Variants in CALN1 observed in about 807,000 individuals in gnomAD.
The protein encoded by CALN1 is calneuron 1.
CALN1 carries 17 observed loss-of-function variants against 30.6 expected under a neutral mutation model. The ratio of observed to expected loss-of-function variants is 0.56; its 90% CI spans 0.38 to 0.83. CALN1 has a LOEUF of 0.83. Among genes scored for constraint, CALN1 ranks in the 40% least tolerant of loss-of-function variants. The pLI, the probability that CALN1 is intolerant of heterozygous loss-of-function variation, is 0.00. For missense variants in CALN1, 291 were observed against 354.9 expected, an observed-to-expected ratio of 0.82 and a Z score of 1.45; for synonymous variants, 156 against 131.4, an observed-to-expected ratio of 1.19 and a Z score of -1.28.
intron 4 of CALN1, among the ~76,000 whole-genome samples, chr7:72,032,234 A>AT (rs1422564854): frequency 1.3e-5 from 2 of 149,884 alleles, no homozygotes; most frequent in African/African-American, 4.9e-5. Flanking sequence ...AATTTTTTGT[A>AT]TTTTTAGCAG....
the CALN1 span, among the ~76,000 whole-genome samples, chr7:72,472,081 C>A: frequency 2.0e-5 from 3 of 152,126 alleles, no homozygotes; most frequent in Admixed American, 6.5e-5. Context: ...TAGATGTGAG[C>A]CACTGCGCCC....
At chr7:72,301,429 G>A (rs1294407756) in intron 2 of CALN1, among the ~76,000 whole-genome samples, 1 of 151,938 alleles carries the variant, frequency 6.6e-6, no homozygotes, top group African/African-American at 2.4e-5. Context: ...CCAACATGGT[G>A]AAACCCTGTC....
At chr7:71,928,238 C>T (rs1795367979) in intron 5 of CALN1, among the ~76,000 whole-genome samples, 1 of 152,158 alleles carries the variant, frequency 6.6e-6, no homozygotes, top group Non-Finnish European at 1.5e-5. Context: ...CAAGTCCACC[C>T]CACGACTTCA....
At chr7:71,848,890 A>G (rs1790475988) in intron 5 of CALN1, among the ~76,000 whole-genome samples, 2 of 152,124 alleles carry the variant, frequency 1.3e-5, no homozygotes, top group South Asian at 4.1e-4. Context: ...TTTACTTTTT[A>G]AATTTTTACT....
At chr7:72,451,209 A>AAGAAGAAGGAGGAGGAGG (rs747175718), upstream of CALN1, among the ~76,000 whole-genome samples, 7 of 126,118 alleles carry the variant, frequency 5.6e-5, no homozygotes, top group African/African-American at 2.2e-4. Flanking sequence ...GAAGAAGAAG[A>AAGAAGAAGGAGGAGGAGG]AGGAGGAGGA....
At chr7:72,044,055 C>T (rs533673487) in intron 4 of CALN1, among the ~76,000 whole-genome samples, 139 of 151,388 alleles carry the variant, frequency 9.2e-4, no homozygotes, top group Non-Finnish European at 1.7e-3. Context: ...GATTCAATTA[C>T]CTCCCACCGG....
chr7:72,196,139 G>T (rs1372286304), intron 3 of CALN1, among the ~76,000 whole-genome samples: 1 of 151,740 alleles, frequency 6.6e-6, no homozygotes, highest in Non-Finnish European at 1.5e-5. Context: ...TTTAGACAGG[G>T]TCTCGCTTTG....
chr7:72,313,655 C>T (rs562893623), intron 2 of CALN1, among the ~76,000 whole-genome samples: 21 of 152,234 alleles, frequency 1.4e-4, no homozygotes, highest in African/African-American at 5.1e-4. Flanking sequence ...CCTTGGCCTC[C>T]TAAAGTGCTG....
At chr7:72,224,247 G>A (rs1432251413) in intron 3 of CALN1, among the ~76,000 whole-genome samples, 1 of 152,036 alleles carries the variant, frequency 6.6e-6, no homozygotes, top group African/African-American at 2.4e-5. Context: ...TGGAAGAAAT[G>A]ACTTTTTCAT....
At chr7:71,959,793 G>A (rs1797145654) in intron 5 of CALN1, among the ~76,000 whole-genome samples, 1 of 151,888 alleles carries the variant, frequency 6.6e-6, no homozygotes. Flanking sequence ...TTCAATTCCT[G>A]GGCAAACCAA....
intron 5 of CALN1, among the ~76,000 whole-genome samples, chr7:71,846,779 T>C (rs1167770694): frequency 6.8e-6 from 1 of 147,374 alleles, no homozygotes; most frequent in African/African-American, 2.5e-5. Context: ...TATATAAATA[T>C]ATATACGTGT....
chr7:72,210,871 T>C (rs914087758), intron 3 of CALN1, among the ~76,000 whole-genome samples: 1 of 151,636 alleles, frequency 6.6e-6, no homozygotes, highest in Admixed American at 6.6e-5. Context: ...GGAAAGATGA[T>C]GAGCCCCGGT....
At chr7:71,965,981 G>T (rs192984612) in intron 5 of CALN1, among the ~76,000 whole-genome samples, 540 of 152,216 alleles carry the variant, frequency 3.5e-3, no homozygotes, top group Admixed American at 8.2e-3. Flanking sequence ...CCACACTTCT[G>T]CCCTCCAAGT....
intron 5 of CALN1, among the ~76,000 whole-genome samples, chr7:71,994,969 C>T (rs527652710): frequency 6.6e-6 from 1 of 151,988 alleles, no homozygotes; most frequent in East Asian, 1.9e-4. Flanking sequence ...TCTCCTGCCT[C>T]AGCCTCCTGA....
intron 3 of CALN1, among the ~76,000 whole-genome samples, chr7:72,209,042 C>CTCTT (rs71069036): frequency 0.99 from 140,031 of 141,594 alleles, 69,251 homozygotes; most frequent in South Asian, 1. Flanking sequence ...CCTTCTCTCT[C>CTCTT]TCCTTTTTCT....
chr7:72,065,877 G>C (rs189381748), intron 4 of CALN1, among the ~76,000 whole-genome samples: 7 of 152,076 alleles, frequency 4.6e-5, no homozygotes, highest in Admixed American at 4.6e-4. Context: ...TGGGCAACAA[G>C]AGCAAAACTC....
At chr7:71,993,710 G>C (rs150912046) in intron 5 of CALN1, among the ~76,000 whole-genome samples, 3 of 152,034 alleles carry the variant, frequency 2.0e-5, no homozygotes, top group Non-Finnish European at 2.9e-5. Context: ...ACCTGCCTTC[G>C]CCTCCCAAAG....
rs558773275 is a variant in CALN1, at chr7:71,962,780, G to A, written c.501+60877C>T. Among the ~76,000 whole-genome samples the A allele has an allele frequency of 3.9e-5, 6 of 152,224 alleles. No individual in the cohort carries two copies. The South Asian group carries it at 6.2e-4, about 16-fold the overall frequency. ...TCTACAGTATGTCACAGCAAATGTG[G>A]GTCTTTTTTCCTTCTAGTGCCTGAT... On this transcript the variant is annotated intron_variant, in intron 5 of 6. Coordinates refer to ENST00000395275, the MANE Select transcript of CALN1 (RefSeq NM_031468.4).
chr7:72,022,330 T>A (rs1445698939), intron 5 of CALN1, among the ~76,000 whole-genome samples: 2 of 152,258 alleles, frequency 1.3e-5, no homozygotes, highest in African/African-American at 4.8e-5. Context: ...CTAGTGACCA[T>A]CACACTAATT....
Sources: gnomAD v4.1 joint callset for allele counts (sites outside exome capture counted in the v4.1 genomes callset) on GRCh38, gnomAD v4.1.1 for gene constraint, MANE v1.5 for transcripts, NCBI Gene and HGNC (gene_info 2026-07-23, HGNC 2026-07-21) for gene names.